DDR2: variants seen among roughly 807,000 people sequenced by gnomAD.
DDR2 encodes the protein discoidin domain-containing receptor 2.
Under a neutral mutation model 94.9 loss-of-function variants are expected in DDR2, and 27 were observed. The ratio of observed to expected loss-of-function variants is 0.28; its 90% CI spans 0.21 to 0.39. The LOEUF (loss-of-function observed/expected upper bound fraction) is 0.39. DDR2 is among the 10% of genes least tolerant of loss of function. The probability of loss-of-function intolerance (pLI) is 1.00; values close to 1 mark genes in which losing one functional copy is unlikely to be tolerated. For missense variants in DDR2, 783 were observed against 1,076.0 expected (o/e 0.73, Z 3.81); for synonymous variants, 382 against 377.2 (o/e 1.01, Z -0.15).
At chr1:162,633,976 A>G (rs1210120638) in intron 1 of DDR2, among the ~76,000 whole-genome samples, 1 of 152,258 alleles carries the variant, frequency 6.6e-6, no homozygotes, top group Non-Finnish European at 1.5e-5. Context: ...AAGGAAAGGT[A>G]GCTAATACAT....
At chr1:162,654,560 T>C (rs931797036) in intron 1 of DDR2, among the ~76,000 whole-genome samples, 2 of 152,144 alleles carry the variant, frequency 1.3e-5, no homozygotes, top group African/African-American at 4.8e-5. Flanking sequence ...TAACTGATAA[T>C]TAGTTATATC....
At chr1:162,679,731 A>G (rs747884680) in intron 2 of DDR2, among the ~76,000 whole-genome samples, 1 of 151,892 alleles carries the variant, frequency 6.6e-6, no homozygotes, top group Non-Finnish European at 1.5e-5. Context: ...GCCTTCCACA[A>G]TCGCTGAACT....
intron 2 of DDR2, among the ~76,000 whole-genome samples, chr1:162,708,701 G>A (rs1051104762): frequency 1.3e-5 from 2 of 152,228 alleles, no homozygotes; most frequent in African/African-American, 4.8e-5. Flanking sequence ...CCCAGAGGCA[G>A]CATCACTCAC....
intron 2 of DDR2, among the ~76,000 whole-genome samples, chr1:162,658,176 C>T (rs184507873): frequency 1.1e-4 from 16 of 152,218 alleles, no homozygotes; most frequent in Non-Finnish European, 1.5e-4. Context: ...GTGTGTTTCT[C>T]GCAAGTCTCT....
In DDR2 at chr1:162,767,382, T is replaced by A. The variant is rs765779581; in HGVS notation, c.1293+23T>A. Reference sequence around the variant, plus strand: ...AAGGTGAGGAGGTGCAGAATGGTCATGATATAAGAAACTGCTCCTTTCTTT... The same window carrying A: ...AAGGTGAGGAGGTGCAGAATGGTCAAGATATAAGAAACTGCTCCTTTCTTT... On this transcript the variant is annotated intron_variant, in intron 11 of 17. Coordinates refer to ENST00000367921, the MANE Select transcript of DDR2 (RefSeq NM_006182.4). 6 of 1,613,014 alleles carry A rather than the reference T, an allele frequency of 3.7e-6. No individual in the cohort carries two copies. The East Asian group carries it at 1.3e-4, about 36-fold the overall frequency.
chr1:162,758,266 C>A (rs963691146), intron 7 of DDR2, among the ~76,000 whole-genome samples: 1 of 152,076 alleles, frequency 6.6e-6, no homozygotes, highest in African/African-American at 2.4e-5. Flanking sequence ...GTGAAGAGAT[C>A]CTCTCAGCCA....
chr1:162,721,431 C>T (rs964846997), intron 3 of DDR2, among the ~76,000 whole-genome samples: 4 of 152,118 alleles, frequency 2.6e-5, no homozygotes, highest in African/African-American at 9.7e-5. Context: ...AGGACTAATC[C>T]TTCTCTCTGC....
chr1:162,748,469 C>T (rs1009328703), intron 3 of DDR2, among the ~76,000 whole-genome samples: 4 of 152,184 alleles, frequency 2.6e-5, no homozygotes, highest in Non-Finnish European at 5.9e-5. Context: ...AATATATATG[C>T]ACCCAATACA....
At chr1:162,761,027 C>T (rs1009263656) in intron 8 of DDR2, among the ~76,000 whole-genome samples, 184 bp from the exon 9 acceptor site, 4 of 151,982 alleles carry the variant, frequency 2.6e-5, no homozygotes, top group Non-Finnish European at 5.9e-5. Flanking sequence ...TCACCTAGCC[C>T]TGTGAAAAGA....
At chr1:162,741,792 C>T (rs1429883741) in intron 3 of DDR2, 1 of 981,446 alleles carries the variant, frequency 1.0e-6, no homozygotes, top group Non-Finnish European at 1.2e-6. Context: ...CTGACCTGGG[C>T]ATGTAGCCCA....
chr1:162,652,185 TG>T (rs1178143406), intron 1 of DDR2, among the ~76,000 whole-genome samples: 1 of 152,244 alleles, frequency 6.6e-6, no homozygotes, highest in African/African-American at 2.4e-5. Flanking sequence ...TTGCAGGTGC[TG>T]GTTCTACTCT....
chr1:162,777,062 G>C (rs1448168557), intron 16 of DDR2, among the ~76,000 whole-genome samples: 1 of 151,882 alleles, frequency 6.6e-6, no homozygotes, highest in Non-Finnish European at 1.5e-5. Flanking sequence ...AGACCAATTT[G>C]GTTTTGTTCA....
intron 3 of DDR2, among the ~76,000 whole-genome samples, chr1:162,748,979 C>T (rs1185529641): frequency 6.6e-6 from 1 of 152,144 alleles, no homozygotes; most frequent in East Asian, 1.9e-4. Flanking sequence ...CACAACATAC[C>T]AGAATCTCTG....
chr1:162,680,867 T>C (rs1440157875), intron 2 of DDR2, among the ~76,000 whole-genome samples: 1 of 152,228 alleles, frequency 6.6e-6, no homozygotes, highest in Non-Finnish European at 1.5e-5. Context: ...GTTGAAATTA[T>C]GGAGCTAAGA....
intron 3 of DDR2, among the ~76,000 whole-genome samples, chr1:162,741,998 A>C (rs1224686285): frequency 1.3e-5 from 2 of 152,208 alleles, no homozygotes; most frequent in African/African-American, 4.8e-5. Context: ...CCCCATTAGC[A>C]TCCTGTGTTA....
chr1:162,661,645 C>T (rs1658300444), intron 2 of DDR2, among the ~76,000 whole-genome samples: 1 of 152,218 alleles, frequency 6.6e-6, no homozygotes, highest in Non-Finnish European at 1.5e-5. Flanking sequence ...ATCTGCTCCA[C>T]AAACACAGTG....
At chr1:162,708,481 C>T (rs1660754681) in intron 2 of DDR2, among the ~76,000 whole-genome samples, 1 of 152,174 alleles carries the variant, frequency 6.6e-6, no homozygotes, top group Non-Finnish European at 1.5e-5. Flanking sequence ...AAACAAGCTC[C>T]TGGGCCTTGT....
intron 9 of DDR2, 49 bp downstream of exon 9, chr1:162,761,503 A>T (rs756746266): frequency 3.1e-6 from 5 of 1,613,694 alleles, no homozygotes; most frequent in Non-Finnish European, 4.2e-6. Flanking sequence ...GTGATGAAGG[A>T]GGAATGCACA....
intron 1 of DDR2, among the ~76,000 whole-genome samples, chr1:162,635,088 C>T (rs1229249433): frequency 1.3e-5 from 2 of 152,114 alleles, no homozygotes; most frequent in African/African-American, 4.8e-5. Flanking sequence ...TCCGGAATGC[C>T]TTTCACTTAG....
Sources: allele counts gnomAD v4.1 joint callset (sites outside exome capture counted in the v4.1 genomes callset), GRCh38; gene constraint gnomAD v4.1.1; transcripts MANE v1.5; gene names NCBI Gene and HGNC (gene_info 2026-07-23, HGNC 2026-07-21).